Variants in NPAS3 observed in about 807,000 individuals in gnomAD.
NPAS3 encodes neuronal PAS domain-containing protein 3.
A neutral mutation model predicts 73.1 loss-of-function variants in NPAS3; 14 were observed. The observed-to-expected ratio is 0.19, with a 90% CI of 0.13 to 0.30. The LOEUF (loss-of-function observed/expected upper bound fraction) is 0.30, where lower values mean the gene tolerates loss of function less well. Ranked by LOEUF, NPAS3 falls within the 10% of genes least tolerant of loss-of-function variation. The pLI, the probability that NPAS3 is intolerant of heterozygous loss-of-function variation, is 1.00. For synonymous variants in NPAS3, 620 were observed against 541.5 expected, an observed-to-expected ratio of 1.14 and a Z score of -2.01; for missense variants, 1,096 against 1,250.0, an observed-to-expected ratio of 0.88 and a Z score of 1.86.
chr14:33,543,957 A>ATG (rs1280228315), intron 4 of NPAS3, among the ~76,000 whole-genome samples: 1 of 13,866 alleles, frequency 7.2e-5, no homozygotes, highest in African/African-American at 6.2e-4. Flanking sequence ...ATATATATAT[A>ATG]TATATATATA....
Position 33,379,977 on chromosome 14 carries a change from C to CGTGTGTGTGTGTGTGTGTGT in NPAS3, c.468+12724_468+12743dup, listed in dbSNP as rs34208750. 1.4e-3 allele frequency among the ~76,000 whole-genome samples: 199 copies of CGTGTGTGTGTGTGTGTGTGT among 144,330 alleles called. 1 individual carries two copies. Among genetic ancestry groups the CGTGTGTGTGTGTGTGTGTGT allele is most frequent in the Admixed American group, 3.4e-3 (48 of 14,260 alleles). 94.7% of individuals were successfully genotyped at this position (144,330 alleles called of 152,430 possible). A position where few individuals can be genotyped will look rare whatever the true frequency, so the allele number is the denominator to read the frequency against. On this transcript the variant is annotated intron_variant, in intron 4 of 11. Transcript: ENST00000356141. ...AGAAGAATCTTAAGTAGTTATCCCT[C>CGTGTGTGTGTGTGTGTGTGT]GTGTGTGTGTGTGTGTGTGTGTGTG... is the stretch of plus-strand genomic sequence containing the variant.
chr14:33,541,586 A>T (rs1158317441), intron 4 of NPAS3, among the ~76,000 whole-genome samples: 1 of 152,192 alleles, frequency 6.6e-6, no homozygotes, highest in Non-Finnish European at 1.5e-5. Flanking sequence ...ACTCCCTGAG[A>T]CAGTGTAAGG....
At chr14:33,259,243 G>C (rs1482730875) in intron 3 of NPAS3, among the ~76,000 whole-genome samples, 1 of 152,098 alleles carries the variant, frequency 6.6e-6, no homozygotes, top group African/African-American at 2.4e-5. Context: ...TCCTAGTTCT[G>C]TCTCATCGAA....
chr14:33,311,629 C>T (rs1267925010), intron 3 of NPAS3, among the ~76,000 whole-genome samples: 3 of 152,080 alleles, frequency 2.0e-5, no homozygotes, highest in African/African-American at 7.2e-5. Context: ...AGCCTTAATT[C>T]ATGCATGCAT....
chr14:33,697,612 A>G lies in NPAS3; in HGVS notation c.733+21227A>G, dbSNP rs981291238. Among the ~76,000 whole-genome samples the G allele has an allele frequency of 3.9e-5, 6 of 152,340 alleles. No homozygotes were observed. The South Asian group carries it at 1.0e-3, about 26-fold the overall frequency. ...CTAGATCAGATTGAACCTTTAATCA[A>G]TCTTCTTAAATGGTGATGGGAAACT... On this transcript the variant is annotated intron_variant, in intron 6 of 11. Coordinates refer to ENST00000356141, the Ensembl canonical transcript of NPAS3.
chr14:33,780,547 CA>C (rs924950642), intron 9 of NPAS3: 4,089 of 332,346 alleles, frequency 0.012, no homozygotes, highest in South Asian at 0.018. Flanking sequence ...CTGAGGCTGA[CA>C]AAAAAAAAAG....
At chr14:33,799,699 C>T (rs1335539085) in intron 11 of NPAS3, 35 bp from the exon 12 acceptor site, 12 of 1,545,068 alleles carry the variant, frequency 7.8e-6, no homozygotes, top group Admixed American at 2.0e-5. Context: ...CTTCTCTCTC[C>T]GCCCCCGCCA....
chr14:33,314,921 A>G (rs965383229), intron 3 of NPAS3, among the ~76,000 whole-genome samples: 1 of 152,148 alleles, frequency 6.6e-6, no homozygotes, highest in Non-Finnish European at 1.5e-5. Context: ...CTGATAAAAA[A>G]TAGAAACCAA....
intron 4 of NPAS3, among the ~76,000 whole-genome samples, chr14:33,523,782 GA>G (rs142855865): frequency 1.3e-5 from 2 of 151,316 alleles, no homozygotes; most frequent in African/African-American, 2.4e-5. Context: ...TTTGTCTCAA[GA>G]AAAAAAAGAC....
chr14:33,607,986 C>G (rs2057631127), intron 5 of NPAS3, among the ~76,000 whole-genome samples: 1 of 152,168 alleles, frequency 6.6e-6, no homozygotes, highest in African/African-American at 2.4e-5. Flanking sequence ...TTACCTCCCA[C>G]TGGGTCCCTC....
chr14:33,028,595 C>T (rs906316503), intron 1 of NPAS3, among the ~76,000 whole-genome samples: 1 of 151,954 alleles, frequency 6.6e-6, no homozygotes, highest in Non-Finnish European at 1.5e-5. Context: ...TATATAATTC[C>T]CATCTGAACC....
intron 5 of NPAS3, among the ~76,000 whole-genome samples, chr14:33,576,829 T>A (rs763361556): frequency 6.6e-6 from 1 of 152,218 alleles, no homozygotes; most frequent in Non-Finnish European, 1.5e-5. Context: ...TATTATAGCA[T>A]GTTTATACAA....
intron 4 of NPAS3, among the ~76,000 whole-genome samples, chr14:33,380,486 T>C (rs2046499253): frequency 6.6e-6 from 1 of 152,116 alleles, no homozygotes; most frequent in Non-Finnish European, 1.5e-5. Flanking sequence ...TTAATAGCTG[T>C]TTTTTAATTC....
intron 3 of NPAS3, among the ~76,000 whole-genome samples, chr14:33,276,942 CCTA>C (rs561419647): frequency 9.2e-5 from 14 of 152,026 alleles, no homozygotes; most frequent in African/African-American, 1.4e-4. Flanking sequence ...TCATAGAGTG[CCTA>C]CTATGTGCCT....
intron 2 of NPAS3, among the ~76,000 whole-genome samples, chr14:33,102,170 G>T (rs141528888): frequency 6.6e-6 from 1 of 152,054 alleles, no homozygotes; most frequent in African/African-American, 2.4e-5. Flanking sequence ...GTCACCTGCC[G>T]TTGGGACTTT....
At chr14:33,299,458 A>G (rs1371710) in intron 3 of NPAS3, among the ~76,000 whole-genome samples, 89,719 of 151,834 alleles carry the variant, frequency 0.59, 28,350 homozygotes, top group African/African-American at 0.82. Context: ...ATTGGCAGCC[A>G]TCTTACCACC....
chr14:33,584,989 TA>T (rs746885072), intron 5 of NPAS3, among the ~76,000 whole-genome samples: 15 of 152,040 alleles, frequency 9.9e-5, no homozygotes, highest in Non-Finnish European at 2.1e-4. Flanking sequence ...GAAGGAAATG[TA>T]AAAAGGTGTT....
chr14:33,019,757 G>A (rs2039525871), intron 1 of NPAS3, among the ~76,000 whole-genome samples: 1 of 152,186 alleles, frequency 6.6e-6, no homozygotes. Flanking sequence ...CACTCCTTTT[G>A]TAAGCAGTGG....
intron 2 of NPAS3, among the ~76,000 whole-genome samples, chr14:33,084,057 A>G (rs1025918437): frequency 5.9e-5 from 9 of 152,236 alleles, no homozygotes; most frequent in Admixed American, 1.3e-4. Context: ...TTTCTCAGAC[A>G]TTAGAAACTT....
Sources: allele counts gnomAD v4.1 joint callset (sites outside exome capture counted in the v4.1 genomes callset), GRCh38; gene constraint gnomAD v4.1.1; transcripts MANE v1.5; gene names NCBI Gene and HGNC (gene_info 2026-07-23, HGNC 2026-07-21).